XG: variants seen among roughly 807,000 people sequenced by gnomAD.
XG encodes glycoprotein Xg.
XG carries 24 observed loss-of-function variants against 25.7 expected under a neutral mutation model. The ratio of observed to expected loss-of-function variants is 0.93; its 90% CI spans 0.68 to 1.31. The LOEUF (loss-of-function observed/expected upper bound fraction) is 1.31, where lower values mean the gene tolerates loss of function less well. XG is among the 40% of genes most tolerant of loss of function. XG has a pLI of 0.00. For synonymous variants in XG, 77 were observed against 69.2 expected (o/e 1.11, Z -0.56); for missense variants, 181 against 187.6 (o/e 0.96, Z 0.21).
intron 5 of XG, among the ~76,000 whole-genome samples, chrX:2,792,221 A>G (rs1276861912): frequency 8.9e-6 from 1 of 112,079 alleles, no homozygotes; most frequent in Non-Finnish European, 1.9e-5. Context: ...GGCGGAGTTC[A>G]GTTGGAGTTG....
chrX:2,776,262 T>TG (rs1253779715), intron 3 of XG, among the ~76,000 whole-genome samples: 24 of 137,844 alleles, frequency 1.7e-4, no homozygotes, highest in African/African-American at 4.5e-4. Flanking sequence ...AGGGGAGGGC[T>TG]GGGGGTCTAG....
In XG at chrX:2,789,729, TTTTTA is replaced by T. The variant is rs761079287; in HGVS notation, c.253+49_253+53del. On this transcript the variant is annotated intron_variant, in intron 5 of 10. Coordinates refer to ENST00000644266, the MANE Select transcript of XG (RefSeq NM_001141919.2). ...GAGGTAATGAGTATTTATTTATTTA[TTTTTA>T]TTTTATTTTATTTTATTTTATTTTA... 229 of 864,212 alleles carry T rather than the reference TTTTTA, an allele frequency of 2.6e-4. 1 individual carries two copies. Among genetic ancestry groups the T allele is most frequent in the African/African-American group, 2.3e-3 (104 of 45,634 alleles). The allele number at this position is 864,212 out of a possible 1,213,427, so 71.2% of individuals were successfully genotyped here. A position where few individuals can be genotyped will look rare whatever the true frequency, so the allele number is the denominator to read the frequency against.
At chrX:2,769,144 G>A (rs1376011447) in intron 1 of XG, among the ~76,000 whole-genome samples, 1 of 152,230 alleles carries the variant, frequency 6.6e-6, no homozygotes, top group African/African-American at 2.4e-5. Flanking sequence ...AAGCCTGCCC[G>A]GGTGGCATCT....
At chrX:2,753,187 C>G (rs896281088) in intron 1 of XG, among the ~76,000 whole-genome samples, 1 of 152,062 alleles carries the variant, frequency 6.6e-6, no homozygotes, top group African/African-American at 2.4e-5. Context: ...TGTTTATGGG[C>G]GGAGGCGGTG....
chrX:2,789,779 G>A, intron 5 of XG, 73 bp downstream of exon 5: 2 of 529,417 alleles, frequency 3.8e-6, no homozygotes, highest in South Asian at 8.8e-5. Flanking sequence ...TTGATTCTAT[G>A]TTATTTTACT....
At chrX:2,760,922 G>A (rs1279276170) in intron 1 of XG, among the ~76,000 whole-genome samples, 1 of 152,074 alleles carries the variant, frequency 6.6e-6, no homozygotes, top group Non-Finnish European at 1.5e-5. Flanking sequence ...GTCTCAGTAG[G>A]AACCAGCCCT....
At chrX:2,752,366 G>A (rs868033610) in intron 1 of XG, 31 bp downstream of exon 1, 1 of 1,612,400 alleles carries the variant, frequency 6.2e-7, no homozygotes, top group Non-Finnish European at 8.5e-7. Context: ...AGGGAGATCT[G>A]CCTGGGCATG....
intron 1 of XG, among the ~76,000 whole-genome samples, chrX:2,760,960 C>G (rs560740722): frequency 6.6e-6 from 1 of 152,150 alleles, no homozygotes; most frequent in Non-Finnish European, 1.5e-5. Context: ...AGACTTCCAG[C>G]TTCCAGGCCT....
intron 4 of XG, among the ~76,000 whole-genome samples, chrX:2,786,260 C>CTTTTTTTTTTT (rs1179667048): frequency 0.032 from 1,952 of 60,434 alleles, 405 homozygotes; most frequent in Admixed American, 0.17. Flanking sequence ...TCCATGTTGT[C>CTTTTTTTTTTT]TTTTTTTTTT....
chrX:2,782,040 A>G, intron 3 of XG, 26 bp from the exon 4 acceptor site: 2 of 1,204,513 alleles, frequency 1.7e-6, no homozygotes, highest in Non-Finnish European at 2.2e-6. Context: ...TTCTTTTCTA[A>G]CAGTGCAATG....
chrX:2,796,643 A>T (rs1417480509), intron 6 of XG, among the ~76,000 whole-genome samples: 6 of 111,768 alleles, frequency 5.4e-5, no homozygotes, highest in Non-Finnish European at 3.8e-5. Flanking sequence ...GGAGACAGAG[A>T]TGCATACAAC....
intron 1 of XG, among the ~76,000 whole-genome samples, chrX:2,767,495 A>G (rs189047713): frequency 3.0e-4 from 46 of 152,334 alleles, no homozygotes; most frequent in African/African-American, 1.0e-3. Flanking sequence ...TTCACTAACT[A>G]TAAGCAAAGC....
At chrX:2,788,471 AC>A (rs1230781116) in intron 4 of XG, among the ~76,000 whole-genome samples, 1 of 112,074 alleles carries the variant, frequency 8.9e-6, no homozygotes, top group African/African-American at 3.2e-5. Context: ...TTTCCAGATG[AC>A]AAATGGATTC....
chrX:2,780,185 AAAAAG>A lies in XG; in HGVS notation c.128-1861_128-1857del, dbSNP rs761742964. Among the ~76,000 whole-genome samples the A allele has an allele frequency of 8.8e-4, 134 of 152,148 alleles. No individual in the cohort carries two copies. In the Middle Eastern group the frequency reaches 0.01, roughly 12 times the overall value. The stretch of plus-strand genomic sequence containing the variant: ...CCTACCAAAACAGACGGATGGTGAA[AAAAAG>A]AAAAGAAAAGAAAAGAAAAAGAAAA... On this transcript the variant is annotated intron_variant, in intron 3 of 10. Coordinates refer to ENST00000644266, the MANE Select transcript of XG (RefSeq NM_001141919.2).
intron 1 of XG, among the ~76,000 whole-genome samples, chrX:2,765,045 A>G (rs2050647304): frequency 1.5e-5 from 2 of 130,356 alleles, no homozygotes; most frequent in Non-Finnish European, 1.6e-5. Flanking sequence ...TTTATCCAAA[A>G]AAAAAAAAAA....
chrX:2,762,967 G>A (rs1248897241), intron 1 of XG, among the ~76,000 whole-genome samples: 1 of 152,176 alleles, frequency 6.6e-6, no homozygotes, highest in Non-Finnish European at 1.5e-5. Flanking sequence ...TAGAACAATA[G>A]CCAAGGAAGT....
Position 2,770,152 on chromosome X carries a change from C to G in XG, c.62-398C>G, listed in dbSNP as rs746663823. 5.9e-5 allele frequency among the ~76,000 whole-genome samples: 9 copies of G among 152,246 alleles called. No homozygotes were observed. In the East Asian group the frequency reaches 1.4e-3, roughly 23 times the overall value. ...CCTGGCCATGAGCAGGAATGAAGCT[C>G]TGACACAGGTTGCAACGTGAACGCA... On this transcript the variant is annotated intron_variant, in intron 1 of 10. Transcript: ENST00000644266.
chrX:2,761,864 G>A (rs898110767), intron 1 of XG, among the ~76,000 whole-genome samples: 1 of 152,190 alleles, frequency 6.6e-6, no homozygotes, highest in Non-Finnish European at 1.5e-5. Flanking sequence ...CCAGGACTGT[G>A]GGAGAATCAA....
intron 5 of XG, among the ~76,000 whole-genome samples, chrX:2,790,714 C>G (rs1375517782): frequency 9.0e-6 from 1 of 111,390 alleles, no homozygotes; most frequent in Non-Finnish European, 1.9e-5. Context: ...GCAGGAGAAT[C>G]GCTTGAACCC....
Sources: allele counts gnomAD v4.1 joint callset (sites outside exome capture counted in the v4.1 genomes callset), GRCh38; gene constraint gnomAD v4.1.1; transcripts MANE v1.5; gene names NCBI Gene and HGNC (gene_info 2026-07-23, HGNC 2026-07-21).